Variants in PAM observed in about 807,000 individuals in gnomAD.
PAM encodes the protein peptidylglycine alpha-amidating monooxygenase, also known as peptidyl-glycine alpha-amidating monooxygenase.
A neutral mutation model predicts 122.1 loss-of-function variants in PAM; 72 were observed. That is an observed-to-expected ratio of 0.59 (90% confidence interval 0.49 to 0.72). The LOEUF is 0.72. PAM is among the 30% of genes least tolerant of loss of function. The probability of loss-of-function intolerance (pLI) is 0.00; values close to 1 mark genes in which losing one functional copy is unlikely to be tolerated. For missense variants in PAM, 1,106 were observed against 1,183.7 expected (o/e 0.93, Z 0.96); for synonymous variants, 389 against 404.4 (o/e 0.96, Z 0.46).
intron 3 of PAM, among the ~76,000 whole-genome samples, chr5:102,896,917 T>C (rs992525852): frequency 6.6e-5 from 10 of 151,650 alleles, no homozygotes; most frequent in Admixed American, 2.0e-4. Flanking sequence ...AGCTTCCTTT[T>C]ATACTAGGAT....
intron 5 of PAM, among the ~76,000 whole-genome samples, chr5:102,919,838 T>C (rs137987458): frequency 6.6e-6 from 1 of 152,220 alleles, no homozygotes; most frequent in East Asian, 1.9e-4. Context: ...GCTAATAATA[T>C]TAAGGTACTT....
chr5:102,989,187 G>A (rs181862546), intron 15 of PAM, among the ~76,000 whole-genome samples: 17 of 152,162 alleles, frequency 1.1e-4, no homozygotes, highest in Non-Finnish European at 2.2e-4. Flanking sequence ...CCCTTTATCC[G>A]TGAGCGTGTT....
intron 1 of PAM, among the ~76,000 whole-genome samples, chr5:102,802,851 A>C (rs186282589): frequency 1.1e-4 from 17 of 152,302 alleles, no homozygotes; most frequent in African/African-American, 3.6e-4. Context: ...TCATAACTAC[A>C]TATGAGGTAG....
chr5:102,910,630 G>T (rs1003074948), intron 4 of PAM, among the ~76,000 whole-genome samples: 4 of 151,634 alleles, frequency 2.6e-5, no homozygotes, highest in African/African-American at 7.3e-5. Flanking sequence ...TAATCTTACC[G>T]GATATAATAT....
intron 1 of PAM, among the ~76,000 whole-genome samples, chr5:102,780,586 A>G (rs945598799): frequency 6.6e-6 from 1 of 151,972 alleles, no homozygotes; most frequent in Admixed American, 6.6e-5. Context: ...TGCACATTGC[A>G]TGGTGTACCT....
At chr5:102,947,004 A>C (rs1056124836) in intron 8 of PAM, 119 bp downstream of exon 8, 2 of 717,378 alleles carry the variant, frequency 2.8e-6, no homozygotes, top group Admixed American at 4.3e-5. Context: ...GGGTTAAAAC[A>C]ACAAATATGT....
chr5:102,905,520 G>A (rs748246633), intron 4 of PAM, among the ~76,000 whole-genome samples: 12 of 151,668 alleles, frequency 7.9e-5, no homozygotes, highest in Non-Finnish European at 1.6e-4. Context: ...CTTTCTTAAA[G>A]CACATGATCA....
At chr5:102,813,226 A>G (rs1478952885) in intron 1 of PAM, among the ~76,000 whole-genome samples, 3 of 152,216 alleles carry the variant, frequency 2.0e-5, no homozygotes, top group Non-Finnish European at 2.9e-5. Context: ...GAAATCAGAG[A>G]TAAAGGAACT....
At chr5:102,897,507 T>G (rs1014212338) in intron 3 of PAM, among the ~76,000 whole-genome samples, 2 of 151,720 alleles carry the variant, frequency 1.3e-5, no homozygotes, top group African/African-American at 4.8e-5. Context: ...TTATTTTTAT[T>G]TTTATTGTTT....
In PAM at chr5:102,755,313, C is replaced by G. The variant is rs1047266352; in HGVS notation, c.-409C>G. ...CCGCCGCTCCGCCGCCCGCAGGCTC[C>G]GGCTTCCGTCCCGGACAGAGCCCGT... On this transcript the variant is annotated 5_prime_UTR_variant, in exon 1 of 26. Coordinates refer to ENST00000438793, the MANE Select transcript of PAM (RefSeq NM_001177306.2). The G allele has an allele frequency of 2.0e-5, 3 of 152,226 alleles. No individual in the cohort carries two copies. The highest frequency in any genetic ancestry group is 6.5e-5 in the Admixed American group (1 of 15,280). The allele number at this position is 152,226 out of a possible 1,614,324, so 9.4% of individuals were successfully genotyped here.
intron 1 of PAM, among the ~76,000 whole-genome samples, chr5:102,850,242 T>G (rs1287303217): frequency 1.3e-5 from 2 of 152,210 alleles, no homozygotes; most frequent in East Asian, 3.8e-4. Context: ...AGCTTTCTTC[T>G]GAACTGAGGA....
chr5:102,995,227 T>A (rs578208191), intron 16 of PAM, among the ~76,000 whole-genome samples: 4 of 152,270 alleles, frequency 2.6e-5, no homozygotes, highest in Admixed American at 2.6e-4. Context: ...TGTACCATCA[T>A]GTCTGAGGGA....
chr5:102,949,456 ACC>A, intron 9 of PAM, 79 bp from the exon 10 acceptor site: 1 of 791,392 alleles, frequency 1.3e-6, no homozygotes, highest in South Asian at 1.4e-5. Flanking sequence ...TCTTGTGAAT[ACC>A]CTATGCATAA....
rs1421775478 is a variant in PAM at position 102,827,875 on chromosome 5, ACGG to A, written c.-373-37947_-373-37945del. On this transcript the variant is annotated intron_variant, in intron 1 of 25. Transcript: ENST00000438793. ...CTAATTTTTTGTATTTTTAGTAGAG[ACGG>A]GGTTTCACCTTGTTAGCCAGGATGG... is the stretch of plus-strand genomic sequence containing the variant. Among the ~76,000 whole-genome samples, 4 of 14,008 alleles carry A rather than the reference ACGG, an allele frequency of 2.9e-4. 1 individual carries two copies. The highest frequency in any genetic ancestry group is 0.071 in the Middle Eastern group (1 of 14). 9.2% of individuals were successfully genotyped at this position (14,008 alleles called of 152,430 possible). A position where few individuals can be genotyped will look rare whatever the true frequency, so the allele number is the denominator to read the frequency against.
intron 16 of PAM, among the ~76,000 whole-genome samples, chr5:102,995,510 C>T (rs1442551805): frequency 3.3e-5 from 5 of 152,078 alleles, no homozygotes; most frequent in Non-Finnish European, 7.4e-5. Context: ...GTTACCATTT[C>T]CTGTTTTTGA....
At chr5:102,942,094 A>G (rs1245551409) in intron 7 of PAM, among the ~76,000 whole-genome samples, 3 of 152,006 alleles carry the variant, frequency 2.0e-5, no homozygotes, top group Non-Finnish European at 4.4e-5. Context: ...AACATGGCCC[A>G]ACTGACACAG....
chr5:102,775,064 T>C (rs534845697), intron 1 of PAM, among the ~76,000 whole-genome samples: 1 of 152,168 alleles, frequency 6.6e-6, no homozygotes, highest in South Asian at 2.1e-4. Flanking sequence ...ATATATGTTA[T>C]GATATATTAT....
intron 15 of PAM, 151 bp from the exon 16 acceptor site, chr5:102,990,121 G>A: frequency 2.2e-6 from 1 of 453,774 alleles, no homozygotes; most frequent in Non-Finnish European, 3.8e-6. Flanking sequence ...TGTGCATGTG[G>A]TATAATTTAT....
intron 1 of PAM, among the ~76,000 whole-genome samples, chr5:102,756,192 C>T (rs561691541): frequency 6.6e-6 from 1 of 152,284 alleles, no homozygotes; most frequent in South Asian, 2.1e-4. Context: ...CGTGCAGCTG[C>T]CTGATGGCAG....
Sources: gnomAD v4.1 joint callset for allele counts (sites outside exome capture counted in the v4.1 genomes callset) on GRCh38, gnomAD v4.1.1 for gene constraint, MANE v1.5 for transcripts, NCBI Gene and HGNC (gene_info 2026-07-23, HGNC 2026-07-21) for gene names.